ZBTB7C: variants seen among roughly 807,000 people sequenced by gnomAD.
ZBTB7C encodes the protein zinc finger and BTB domain containing 7C.
In ZBTB7C, 8 loss-of-function variants were observed where a neutral mutation model predicts 25.7. That is an observed-to-expected ratio of 0.31 (90% CI 0.18 to 0.56). The LOEUF (loss-of-function observed/expected upper bound fraction) is 0.56, where lower values mean the gene tolerates loss of function less well. Among genes scored for constraint, ZBTB7C ranks in the 20% least tolerant of loss-of-function variants. The probability of loss-of-function intolerance (pLI) is 0.91; values close to 1 mark genes in which losing one functional copy is unlikely to be tolerated. For synonymous variants in ZBTB7C, 394 were observed against 369.0 expected (o/e 1.07, Z -0.78); for missense variants, 824 against 855.2 (o/e 0.96, Z 0.46).
intron 2 of ZBTB7C, among the ~76,000 whole-genome samples, chr18:48,302,804 C>A (rs1047542057): frequency 7.9e-5 from 12 of 152,194 alleles, no homozygotes; most frequent in African/African-American, 2.7e-4. Flanking sequence ...CAGGAGCTGG[C>A]AGGTGTCTGG....
At chr18:48,196,253 A>T (rs1455947745) in intron 2 of ZBTB7C, among the ~76,000 whole-genome samples, 2 of 151,492 alleles carry the variant, frequency 1.3e-5, no homozygotes, top group African/African-American at 4.9e-5. Flanking sequence ...CTTCTTCCCT[A>T]CTCCACCCTT....
intron 2 of ZBTB7C, among the ~76,000 whole-genome samples, chr18:48,335,965 G>A (rs1220683631): frequency 2.0e-5 from 3 of 152,106 alleles, no homozygotes; most frequent in Admixed American, 6.5e-5. Context: ...TGGCTATTGG[G>A]CCACCTCACT....
At chr18:48,395,271 G>C (rs1437711481) in intron 1 of ZBTB7C, among the ~76,000 whole-genome samples, 1 of 28,064 alleles carries the variant, frequency 3.6e-5, no homozygotes. Flanking sequence ...GAGAATGTGT[G>C]TGTGTGTGTG....
At chr18:48,338,673 A>G (rs897465752) in intron 1 of ZBTB7C, among the ~76,000 whole-genome samples, 1 of 152,034 alleles carries the variant, frequency 6.6e-6, no homozygotes, top group Non-Finnish European at 1.5e-5. Context: ...ATTTCATTTC[A>G]TCTGCCTGAA....
intron 4 of ZBTB7C, among the ~76,000 whole-genome samples, chr18:48,035,489 G>A (rs1246722186): frequency 6.6e-6 from 1 of 152,224 alleles, no homozygotes; most frequent in Non-Finnish European, 1.5e-5. Flanking sequence ...GGAGGCAAGG[G>A]GCAAGTCTCT....
chr18:48,207,823 A>T (rs1271500841), intron 2 of ZBTB7C, among the ~76,000 whole-genome samples: 5 of 152,216 alleles, frequency 3.3e-5, no homozygotes, highest in Admixed American at 2.0e-4. Context: ...AAAGCTCAAA[A>T]CAGCAAAACT....
intron 2 of ZBTB7C, among the ~76,000 whole-genome samples, chr18:48,295,977 C>T (rs879348155): frequency 6.6e-5 from 10 of 152,198 alleles, no homozygotes; most frequent in Non-Finnish European, 1.0e-4. Context: ...GGATCCCGGG[C>T]TCGGTCATCT....
chr18:48,071,739 G>A lies in ZBTB7C; in HGVS notation c.-16-30616C>T, dbSNP rs979791597. ...ACTAGCTCAAAGGTGGAAACAAACC[G>A]AAGTCCATCAGTGGATGAATGGGGA... On this transcript the variant is annotated intron_variant, in intron 3 of 4. Transcript: ENST00000590800. Among the ~76,000 whole-genome samples the A allele has an allele frequency of 6.6e-5, 10 of 152,320 alleles. No individual in the cohort carries two copies. The East Asian group carries it at 1.5e-3, about 23-fold the overall frequency.
At chr18:48,058,067 C>T (rs2036985273) in intron 3 of ZBTB7C, among the ~76,000 whole-genome samples, 1 of 152,162 alleles carries the variant, frequency 6.6e-6, no homozygotes, top group African/African-American at 2.4e-5. Context: ...GACACAGGTG[C>T]TAGGAAGAGC....
intron 2 of ZBTB7C, among the ~76,000 whole-genome samples, chr18:48,236,499 G>A (rs997471319): frequency 3.3e-5 from 5 of 152,232 alleles, no homozygotes; most frequent in Admixed American, 2.6e-4. Flanking sequence ...CCTTAGGGAA[G>A]AGAAGTTCAG....
Position 48,029,638 on chromosome 18 carries a change from C to G in ZBTB7C, c.1482G>C (p.Gly494=). Residue 494 remains glycine, a synonymous_variant, in exon 5 of 5, where the codon GGG becomes GGC. Transcript: ENST00000590800. ...CCTTGTCGGGGGCCGGGCCGCCGGG[C>G]CCGAAGAGCAGGCTGGCGGCCCTCC... The part of the protein sequence containing the change: ...AAWRAASLLF[G]PGGPAPDKAA... 1.3e-6 allele frequency: 2 copies of G among 1,527,194 alleles called. No homozygotes were observed. The highest frequency in any genetic ancestry group is 1.7e-6 in the Non-Finnish European group (2 of 1,145,482). 94.6% of individuals were successfully genotyped at this position (1,527,194 alleles called of 1,614,324 possible).
At chr18:48,390,236 A>G (rs1208896408) in intron 1 of ZBTB7C, among the ~76,000 whole-genome samples, 2 of 152,220 alleles carry the variant, frequency 1.3e-5, no homozygotes, top group Non-Finnish European at 2.9e-5. Context: ...TTTAATATTC[A>G]TTGTTCCAGA....
chr18:48,241,878 A>T (rs979804825), intron 2 of ZBTB7C, among the ~76,000 whole-genome samples: 1 of 151,974 alleles, frequency 6.6e-6, no homozygotes, highest in African/African-American at 2.4e-5. Context: ...AAATGACATT[A>T]AAAAAATACA....
At chr18:48,215,214 G>C (rs7236633) in intron 2 of ZBTB7C, among the ~76,000 whole-genome samples, 1 of 152,110 alleles carries the variant, frequency 6.6e-6, no homozygotes, top group Non-Finnish European at 1.5e-5. Flanking sequence ...AGAAGCCAAC[G>C]GTCCACTTGG....
chr18:48,371,647 G>A (rs1199527038), intron 1 of ZBTB7C, among the ~76,000 whole-genome samples: 5 of 152,208 alleles, frequency 3.3e-5, no homozygotes, highest in Non-Finnish European at 7.3e-5. Context: ...AGCTCAGTGA[G>A]AGCATGGCCA....
At chr18:48,120,071 G>A (rs2039578088) in intron 3 of ZBTB7C, among the ~76,000 whole-genome samples, 1 of 152,142 alleles carries the variant, frequency 6.6e-6, no homozygotes, top group Non-Finnish European at 1.5e-5. Flanking sequence ...TCCAGGTGGG[G>A]CCCAAGCTGC....
chr18:48,310,044 A>G (rs1011005413), intron 2 of ZBTB7C, among the ~76,000 whole-genome samples: 3 of 152,152 alleles, frequency 2.0e-5, no homozygotes, highest in African/African-American at 7.2e-5. Context: ...CCTGGCTAAC[A>G]CAGTGAAACC....
chr18:48,071,665 C>T (rs1272052265), intron 3 of ZBTB7C, among the ~76,000 whole-genome samples: 1 of 152,168 alleles, frequency 6.6e-6, no homozygotes, highest in African/African-American at 2.4e-5. Flanking sequence ...TAATTGGAAG[C>T]AAGAACTCGA....
chr18:48,060,921 G>A (rs1046100469), intron 3 of ZBTB7C, among the ~76,000 whole-genome samples: 4 of 152,056 alleles, frequency 2.6e-5, no homozygotes, highest in South Asian at 2.1e-4. Context: ...AGAGTGAAAG[G>A]GGCTGCCAGG....
Sources: allele counts gnomAD v4.1 joint callset (sites outside exome capture counted in the v4.1 genomes callset), GRCh38; gene constraint gnomAD v4.1.1; transcripts MANE v1.5; gene names NCBI Gene and HGNC (gene_info 2026-07-23, HGNC 2026-07-21).